Variants in IGDCC4 observed in about 807,000 individuals in gnomAD.
IGDCC4 encodes the protein likely ortholog of mouse neighbor of Punc E11.
In IGDCC4, 72 loss-of-function variants were observed where a neutral mutation model predicts 116.6. The ratio of observed to expected loss-of-function variants is 0.62; its 90% CI spans 0.51 to 0.75. The LOEUF is 0.75. IGDCC4 is among the 30% of genes least tolerant of loss of function. The pLI is 0.00. For missense variants in IGDCC4, 1,501 were observed against 1,662.4 expected, an observed-to-expected ratio of 0.90 and a Z score of 1.69; for synonymous variants, 709 against 719.9, an observed-to-expected ratio of 0.98 and a Z score of 0.24.
At position 65,384,070 on chromosome 15, in the gene IGDCC4, G is replaced by A. The variant is rs758508995; in HGVS notation, c.3692C>T (p.Ser1231Phe). The A allele has an allele frequency of 3.1e-6, 5 of 1,613,366 alleles. No homozygotes were observed. In the African/African-American group the frequency reaches 4.0e-5, roughly 13 times the overall value. The change falls in exon 20 of 20, where the codon TCC becomes TTC. Residue 1231 changes from serine to phenylalanine, a missense_variant. Coordinates refer to ENST00000352385, the MANE Select transcript of IGDCC4 (RefSeq NM_020962.3). The surrounding 1 kb of genome is among the most constrained non-coding windows in gnomAD (Gnocchi z 4.9). ...ETPGDSCQLK[S>F]PCPLGASPGL... ...TGGGCTGGCTCCTAGAGGGCAGGGG[G>A]ATTTGAGCTGGCAGCTATCTCCAGG...
Position 65,396,935 on chromosome 15 carries a change from A to G in IGDCC4, c.896T>C (p.Ile299Thr), listed in dbSNP as rs1339974709. ...GGAGTGCCAGGGCTGCGCGTTGGCAATTAGTAGGTTGGTGCGGCCCAGGAC... is the reference window on the plus strand; with the variant it reads ...GGAGTGCCAGGGCTGCGCGTTGGCAGTTAGTAGGTTGGTGCGGCCCAGGAC... ...VIVLGRTNLL[I>T]ANAQPWHSGV... The change falls in exon 6 of 20, where the codon ATT becomes ACT. Residue 299 changes from isoleucine (I) to threonine (T), a missense_variant. Ile to Thr is a moderately conservative substitution (Grantham distance 89). Coordinates refer to ENST00000352385, the MANE Select transcript of IGDCC4 (RefSeq NM_020962.3). 8 of 1,576,730 alleles carry G rather than the reference A, an allele frequency of 5.1e-6. No individual in the cohort carries two copies. The highest frequency in any genetic ancestry group is 6.9e-6 in the Non-Finnish European group (8 of 1,160,900).
At position 65,384,256 on chromosome 15, in the gene IGDCC4, C is replaced by T. The variant is rs776962496; in HGVS notation, c.3506G>A (p.Gly1169Asp). 48 of 1,604,160 alleles carry T rather than the reference C, an allele frequency of 3.0e-5. No individual in the cohort carries two copies. The highest frequency in any genetic ancestry group is 3.8e-5 in the Non-Finnish European group (45 of 1,174,140). The part of the protein sequence containing the change: ...LPPEAPDLIS[G>D]VGDPGQGAAW... ...TGCCCCCTGCCCTGGATCCCCAACA[C>T]CCGAGATGAGATCAGGAGCCTCTGG... is the stretch of plus-strand genomic sequence containing the variant. Residue 1169 changes from glycine (G) to aspartate (D), a missense_variant, in exon 20 of 20, where the codon GGT becomes GAT. By Grantham distance (94) the Gly-to-Asp change is moderately conservative. Transcript: ENST00000352385. The surrounding 1 kb of genome is among the most constrained non-coding windows in gnomAD (Gnocchi z 4.9).
At position 65,384,215 on chromosome 15, in the gene IGDCC4, C is replaced by A; in HGVS notation, c.3547G>T (p.Glu1183Ter). The A allele has an allele frequency of 1.2e-6, 2 of 1,604,264 alleles. No individual in the cohort carries two copies. Among genetic ancestry groups the A allele is most frequent in the Non-Finnish European group, 1.7e-6 (2 of 1,172,892 alleles). Residue 1183 changes from glutamate (E) to a stop codon, truncating the protein, a stop_gained, in exon 20 of 20, where the codon GAG becomes TAG. Coordinates refer to ENST00000352385, the MANE Select transcript of IGDCC4 (RefSeq NM_020962.3). LOFTEE classifies it high-confidence loss of function. The surrounding 1 kb of genome is among the most constrained non-coding windows in gnomAD (Gnocchi z 4.9). Reference protein sequence around the residue: ...PGQGAAWLDRELGGCELAAPG... With the variant: ...PGQGAAWLDR ...GCTGCCAGCTCACACCCTCCCAACT[C>A]CCTGTCCAGCCAGGCTGCCCCCTGC...
chr15:65,411,055 A>C lies in IGDCC4; in HGVS notation c.386T>G (p.Val129Gly). The C allele has an allele frequency of 6.2e-7, 1 of 1,613,030 alleles. No homozygotes were observed. ...YSCLAHGPLG[V>G]LASQTAVVKL... ...GACGACAGCAGTCTGGCTGGCCAGC[A>C]CTCCGAGGGGGCCGTGGGCTAGGCA... The change falls in exon 2 of 20, where the codon GTG (valine) becomes GGG (glycine). Residue 129 changes from valine to glycine, a missense_variant. Transcript: ENST00000352385.
intron 1 of IGDCC4, among the ~76,000 whole-genome samples, chr15:65,416,404 T>TG (rs1180549681): frequency 6.6e-6 from 1 of 152,188 alleles, no homozygotes; most frequent in Admixed American, 6.5e-5. Context: ...TCCAAAGTGC[T>TG]GGGATTACAG....
At position 65,396,137 on chromosome 15, in the gene IGDCC4, C is replaced by T; in HGVS notation, c.1024G>A (p.Glu342Lys). 1.4e-6 allele frequency: 2 copies of T among 1,470,302 alleles called. No individual in the cohort carries two copies. Among genetic ancestry groups the T allele is most frequent in the South Asian group, 1.3e-5 (1 of 75,382 alleles). 91.1% of individuals were successfully genotyped at this position (1,470,302 alleles called of 1,614,324 possible). Residue 342 changes from glutamate (E) to lysine (K), a missense_variant, in exon 7 of 20, where the codon GAG becomes AAG. This residue lies in a region of IGDCC4 where 898 missense variants were observed against 978.9 expected (regional missense o/e 0.92). Transcript: ENST00000352385. Reference protein sequence around the residue: ...LAAPAITQAPEALSRTRASTA... With the variant: ...LAAPAITQAPKALSRTRASTA... ...CTCGCCCGCGTCCGCGACAGCGCCT[C>T]GGGCGCCTGAGTGATGGCGGGAGCC... is the stretch of plus-strand genomic sequence containing the variant.
intron 1 of IGDCC4, among the ~76,000 whole-genome samples, chr15:65,419,716 CA>C (rs2063173302): frequency 6.6e-6 from 1 of 152,052 alleles, no homozygotes; most frequent in South Asian, 2.1e-4. Context: ...AGAGGCCTCC[CA>C]TTACTGACCT....
intron 3 of IGDCC4, among the ~76,000 whole-genome samples, chr15:65,404,436 G>A (rs1481921279): frequency 6.6e-6 from 1 of 152,214 alleles, no homozygotes; most frequent in East Asian, 1.9e-4. Context: ...GGAAGGACAA[G>A]TAGGACCCAC....
At position 65,383,912 on chromosome 15, in the gene IGDCC4, T is replaced by C. The variant is rs1162422175; in HGVS notation, c.*97A>G. The C allele has an allele frequency of 1.7e-6, 2 of 1,187,000 alleles. No homozygotes were observed. The highest frequency in any genetic ancestry group is 1.1e-6 in the Non-Finnish European group (1 of 871,550). 73.5% of individuals were successfully genotyped at this position (1,187,000 alleles called of 1,614,324 possible). A position where few individuals can be genotyped will look rare whatever the true frequency, so the allele number is the denominator to read the frequency against. ...TAGGAAGCTCCAAAGGGCTTGATGA[T>C]GTATCTACAGGCACACATGTGGACA... On this transcript the variant is annotated 3_prime_UTR_variant, in exon 20 of 20. Coordinates refer to ENST00000352385, the MANE Select transcript of IGDCC4 (RefSeq NM_020962.3).
intron 3 of IGDCC4, 107 bp downstream of exon 3, chr15:65,410,071 G>A: frequency 7.5e-7 from 1 of 1,331,446 alleles, no homozygotes; most frequent in East Asian, 2.3e-5. Flanking sequence ...ACTCAAGTCA[G>A]CTTAGGTAAA....
In IGDCC4 at chr15:65,389,397, A is replaced by G. The variant is rs1435560538; in HGVS notation, c.2423T>C (p.Ile808Thr). Residue 808 changes from isoleucine (I) to threonine (T), a missense_variant, in exon 14 of 20, where the codon ATC becomes ACC. By Grantham distance (89) the Ile-to-Thr change is moderately conservative (BLOSUM62 -1). Coordinates refer to ENST00000352385, the MANE Select transcript of IGDCC4 (RefSeq NM_020962.3). ...VTYYTSSGED[I>T]LIGGLKPFTK... is the part of the protein sequence containing the mutation. ...GAATGGCTTCAAGCCGCCAATGAGGATGTCTTCTCCAGAACTGCTAAGGCA... is the reference window on the plus strand; with the variant it reads ...GAATGGCTTCAAGCCGCCAATGAGGGTGTCTTCTCCAGAACTGCTAAGGCA... The G allele has an allele frequency of 6.2e-7, 1 of 1,614,044 alleles. No homozygotes were observed. The highest frequency in any genetic ancestry group is 8.5e-7 in the Non-Finnish European group (1 of 1,180,036).
chr15:65,402,163 C>A (rs1191219286), intron 4 of IGDCC4, among the ~76,000 whole-genome samples, 188 bp downstream of exon 4: 1 of 152,218 alleles, frequency 6.6e-6, no homozygotes, highest in Non-Finnish European at 1.5e-5. Context: ...TGTGTTCCAG[C>A]CCAGTTCTTT....
In IGDCC4 at chr15:65,385,782, C is replaced by T. The variant is rs1340615843; in HGVS notation, c.3180+49G>A. Reference sequence around the variant, plus strand: ...TAGCCACGCGTTGTGCTCTGTCGCCCCCTGGTGTCCTATTTAGAAAAGAGC... The same window carrying T: ...TAGCCACGCGTTGTGCTCTGTCGCCTCCTGGTGTCCTATTTAGAAAAGAGC... On this transcript the variant is annotated intron_variant, in intron 18 of 19. Coordinates refer to ENST00000352385, the MANE Select transcript of IGDCC4 (RefSeq NM_020962.3). The T allele has an allele frequency of 3.4e-6, 5 of 1,453,786 alleles. No individual in the cohort carries two copies. The Admixed American group carries it at 8.4e-5, about 24-fold the overall frequency. 90.1% of individuals were successfully genotyped at this position (1,453,786 alleles called of 1,614,324 possible).
At chr15:65,389,798 T>C (rs2140195112) in intron 13 of IGDCC4, among the ~76,000 whole-genome samples, 1 of 152,278 alleles carries the variant, frequency 6.6e-6, no homozygotes, top group Non-Finnish European at 1.5e-5. Context: ...TGTCTCCCCA[T>C]CTAACAGGGT....
chr15:65,401,122 C>A (rs2062981692), intron 4 of IGDCC4, among the ~76,000 whole-genome samples, 176 bp from the exon 5 acceptor site: 1 of 152,202 alleles, frequency 6.6e-6, no homozygotes, highest in South Asian at 2.1e-4. Flanking sequence ...GACCTCTGAG[C>A]TGTTTCTTTT....
intron 12 of IGDCC4, among the ~76,000 whole-genome samples, chr15:65,391,095 T>G (rs926797888): frequency 5.9e-5 from 9 of 152,098 alleles, no homozygotes; most frequent in Non-Finnish European, 1.2e-4. Flanking sequence ...TAGCCAGGTA[T>G]GGTGCACACC....
intron 3 of IGDCC4, among the ~76,000 whole-genome samples, chr15:65,407,922 C>T (rs1319812859): frequency 6.6e-6 from 1 of 152,090 alleles, no homozygotes. Context: ...GCGTGAGCCA[C>T]CGCGCCCGGC....
intron 13 of IGDCC4, 146 bp from the exon 14 acceptor site, chr15:65,389,557 C>T (rs1274138534): frequency 9.4e-7 from 1 of 1,058,940 alleles, no homozygotes; most frequent in African/African-American, 1.6e-5. Context: ...AGGCGACTAC[C>T]ACCACCCAGG....
chr15:65,413,083 C>G (rs2063113610), intron 1 of IGDCC4, among the ~76,000 whole-genome samples: 1 of 148,402 alleles, frequency 6.7e-6, no homozygotes, highest in African/African-American at 2.5e-5. Context: ...TTTGAATGAA[C>G]AAAACAAAAA....
Sources: allele counts gnomAD v4.1 joint callset (sites outside exome capture counted in the v4.1 genomes callset), GRCh38; gene constraint gnomAD v4.1.1; regional missense constraint gnomAD v4.1.1; non-coding constraint Gnocchi (gnomAD v3.1); transcripts MANE v1.5; gene names NCBI Gene and HGNC (gene_info 2026-07-23, HGNC 2026-07-21).